Variants in NPAS3 observed in about 807,000 individuals in gnomAD.
NPAS3 encodes neuronal PAS domain-containing protein 3.
NPAS3 carries 14 observed loss-of-function variants against 73.1 expected under a neutral mutation model. The ratio of observed to expected loss-of-function variants is 0.19; its 90% CI spans 0.13 to 0.30. NPAS3 has a LOEUF of 0.30. Ranked by LOEUF, NPAS3 falls within the 10% of genes least tolerant of loss-of-function variation. The probability of loss-of-function intolerance (pLI) is 1.00; values close to 1 mark genes in which losing one functional copy is unlikely to be tolerated. For synonymous variants in NPAS3, 620 were observed against 541.5 expected (o/e 1.14, Z -2.01); for missense variants, 1,096 against 1,250.0 (o/e 0.88, Z 1.86).
rs140537346 is a variant in NPAS3, at chr14:32,974,826, C to T, written c.50+35460C>T. Among the ~76,000 whole-genome samples the T allele has an allele frequency of 1.8e-4, 27 of 152,236 alleles. No homozygotes were observed. The East Asian group carries it at 4.8e-3, about 27-fold the overall frequency. On this transcript the variant is annotated intron_variant, in intron 1 of 11. Coordinates refer to ENST00000356141, the Ensembl canonical transcript of NPAS3. ...TGGTCAGAACAGAGCCACATGCCTA[C>T]CTTTAATTATCATGGTAGCATCCAG...
chr14:33,104,087 A>G (rs1226720663), intron 2 of NPAS3, among the ~76,000 whole-genome samples: 1 of 152,180 alleles, frequency 6.6e-6, no homozygotes, highest in Non-Finnish European at 1.5e-5. Flanking sequence ...TGTAAAAAAA[A>G]TCTGTATGGG....
chr14:33,175,704 G>A (rs184221999), intron 2 of NPAS3, among the ~76,000 whole-genome samples: 5 of 152,092 alleles, frequency 3.3e-5, no homozygotes, highest in Non-Finnish European at 7.4e-5. Context: ...AGGTTGCCTT[G>A]GGCTTATTGA....
intron 2 of NPAS3, among the ~76,000 whole-genome samples, chr14:33,129,250 A>G (rs1027632528): frequency 6.6e-5 from 10 of 152,176 alleles, no homozygotes; most frequent in African/African-American, 9.7e-5. Context: ...TTTTCTAACA[A>G]ATAATGAAAA....
chr14:33,263,154 T>C (rs1227911918), intron 3 of NPAS3, among the ~76,000 whole-genome samples: 1 of 152,246 alleles, frequency 6.6e-6, no homozygotes, highest in Non-Finnish European at 1.5e-5. Flanking sequence ...TTGGCTTTTG[T>C]TGCCATTGCT....
intron 5 of NPAS3, among the ~76,000 whole-genome samples, chr14:33,598,358 A>G (rs1434977591): frequency 6.6e-6 from 1 of 152,162 alleles, no homozygotes; most frequent in Non-Finnish European, 1.5e-5. Context: ...TGTTTCTTTG[A>G]CTTTGTACCT....
chr14:33,090,738 A>G (rs2042196365), intron 2 of NPAS3, among the ~76,000 whole-genome samples: 1 of 152,222 alleles, frequency 6.6e-6, no homozygotes, highest in Non-Finnish European at 1.5e-5. Flanking sequence ...AATTGACCAC[A>G]TATTTGGAAG....
upstream of NPAS3, among the ~76,000 whole-genome samples, chr14:32,938,486 T>TGAGAGAGAGAGAGAAATTGAGA (rs1566779333): frequency 0.013 from 714 of 55,684 alleles, 3 homozygotes; most frequent in Middle Eastern, 0.03. Context: ...AGAGAGAAAT[T>TGAGAGAGAGAGAGAAATTGAGA]GAGAGAGAGA....
At chr14:33,320,787 T>C (rs1468293171) in intron 3 of NPAS3, among the ~76,000 whole-genome samples, 1 of 152,178 alleles carries the variant, frequency 6.6e-6, no homozygotes, top group Non-Finnish European at 1.5e-5. Context: ...TTTCATTTAT[T>C]TCTGGGAAAG....
At chr14:32,957,372 A>AT (rs199933003) in intron 1 of NPAS3, among the ~76,000 whole-genome samples, 1,341 of 131,846 alleles carry the variant, frequency 0.01, 8 homozygotes, top group African/African-American at 0.013. Context: ...ATTCATTTTC[A>AT]TTTTTTTTTT....
rs578077006 is a variant in NPAS3 at position 33,211,704 on chromosome 14, C to T, written c.141-3478C>T. 3.3e-5 allele frequency among the ~76,000 whole-genome samples: 5 copies of T among 152,282 alleles called. No homozygotes were observed. In the South Asian group the frequency reaches 8.3e-4, roughly 25 times the overall value. ...CAATAATGCATATAATATCCAGATA[C>T]ATACATACATATATGTGTGTGTGTG... On this transcript the variant is annotated intron_variant, in intron 2 of 11. Transcript: ENST00000356141.
chr14:33,707,405 C>T (rs1316902496), intron 6 of NPAS3, among the ~76,000 whole-genome samples: 4 of 151,802 alleles, frequency 2.6e-5, no homozygotes, highest in South Asian at 4.2e-4. Flanking sequence ...GTGTACTCAG[C>T]GCTGTGCAAG....
intron 3 of NPAS3, among the ~76,000 whole-genome samples, chr14:33,218,674 T>G (rs2139695196): frequency 6.6e-6 from 1 of 152,332 alleles, no homozygotes; most frequent in African/African-American, 2.4e-5. Context: ...TGAAATGTAC[T>G]TACATTGTGG....
chr14:33,245,660 AAGTACAAT>A (rs1250971142), intron 3 of NPAS3, among the ~76,000 whole-genome samples: 13 of 152,224 alleles, frequency 8.5e-5, no homozygotes, highest in Admixed American at 3.9e-4. Flanking sequence ...AAATATTCTC[AAGTACAAT>A]AGTAAGAAGA....
At chr14:33,563,517 TAC>T (rs146854404) in intron 5 of NPAS3, among the ~76,000 whole-genome samples, 2 of 106,900 alleles carry the variant, frequency 1.9e-5, no homozygotes, top group Non-Finnish European at 1.9e-5. Flanking sequence ...TACACATACA[TAC>T]ACACACACAC....
At chr14:33,109,104 A>G (rs1595465277) in intron 2 of NPAS3, among the ~76,000 whole-genome samples, 1 of 152,304 alleles carries the variant, frequency 6.6e-6, no homozygotes, top group East Asian at 1.9e-4. Flanking sequence ...CAATTTTGAA[A>G]TGTAGTGGAA....
At chr14:33,160,787 G>T (rs941913244) in intron 2 of NPAS3, among the ~76,000 whole-genome samples, 2 of 150,830 alleles carry the variant, frequency 1.3e-5, no homozygotes, top group African/African-American at 4.9e-5. Flanking sequence ...TGAAGTCAGC[G>T]CTCAGTTTTG....
At chr14:33,640,943 T>C (rs576316715) in intron 5 of NPAS3, among the ~76,000 whole-genome samples, 44 of 152,362 alleles carry the variant, frequency 2.9e-4, no homozygotes, top group African/African-American at 1.1e-3. Context: ...TAAATATGTA[T>C]GTGCAGAGAA....
At chr14:33,114,316 G>A (rs116988838) in intron 2 of NPAS3, among the ~76,000 whole-genome samples, 18 of 152,102 alleles carry the variant, frequency 1.2e-4, no homozygotes, top group East Asian at 7.7e-4. Flanking sequence ...GATTATAGGC[G>A]TGAACTACCA....
At chr14:33,316,988 A>T (rs2043231928) in intron 3 of NPAS3, among the ~76,000 whole-genome samples, 1 of 152,110 alleles carries the variant, frequency 6.6e-6, no homozygotes, top group Non-Finnish European at 1.5e-5. Context: ...TCCTTCTAAA[A>T]TTCTGTAATT....
Sources: gnomAD v4.1 joint callset for allele counts (sites outside exome capture counted in the v4.1 genomes callset) on GRCh38, gnomAD v4.1.1 for gene constraint, MANE v1.5 for transcripts, NCBI Gene and HGNC (gene_info 2026-07-23, HGNC 2026-07-21) for gene names.